TTLL11: variants seen among roughly 807,000 people sequenced by gnomAD.
The protein encoded by TTLL11 is tubulin tyrosine ligase like 11.
Under a neutral mutation model 51.7 loss-of-function variants are expected in TTLL11, and 42 were observed. The ratio of observed to expected loss-of-function variants is 0.81; its 90% CI spans 0.64 to 1.05. The LOEUF is 1.05. Ranked by LOEUF, TTLL11 falls within the 50% of genes least tolerant of loss-of-function variation. The probability of loss-of-function intolerance (pLI) is 0.00; values close to 1 mark genes in which losing one functional copy is unlikely to be tolerated. For missense variants in TTLL11, 799 were observed against 940.4 expected (o/e 0.85, Z 1.97); for synonymous variants, 381 against 383.5 (o/e 0.99, Z 0.08).
chr9:121,816,831 C>T lies in TTLL11; in HGVS notation c.*5756G>A, dbSNP rs28753968. ...AAGACGTGGCCTATTCTGCAGAGCT[C>T]CTTCATCTCCAGGAACAGAAAAAAA... is the stretch of plus-strand genomic sequence containing the variant. On this transcript the variant is annotated 3_prime_UTR_variant, in exon 9 of 9. Coordinates refer to ENST00000321582, the MANE Select transcript of TTLL11 (RefSeq NM_001139442.2). The T allele has an allele frequency of 3.3e-5, 5 of 152,146 alleles. No homozygotes were observed. Among genetic ancestry groups the T allele is most frequent in the African/African-American group, 1.2e-4 (5 of 41,418 alleles). The allele number at this position is 152,146 out of a possible 1,614,324, so 9.4% of individuals were successfully genotyped here.
intron 2 of TTLL11, among the ~76,000 whole-genome samples, chr9:122,033,938 C>T (rs1453888490): frequency 6.6e-6 from 1 of 152,158 alleles, no homozygotes; most frequent in Admixed American, 6.5e-5. Context: ...TTTTATTCTC[C>T]CTCGAAATTA....
intron 6 of TTLL11, among the ~76,000 whole-genome samples, chr9:121,920,402 A>C (rs894145973): frequency 1.3e-5 from 2 of 152,222 alleles, no homozygotes; most frequent in African/African-American, 4.8e-5. Context: ...CAATGGTATC[A>C]AGGAGCAAAG....
chr9:121,908,171 C>G (rs968964861), intron 6 of TTLL11, among the ~76,000 whole-genome samples: 2 of 152,170 alleles, frequency 1.3e-5, no homozygotes, highest in Non-Finnish European at 2.9e-5. Flanking sequence ...GAAGACTGAG[C>G]AAGAAGCATT....
intron 6 of TTLL11, among the ~76,000 whole-genome samples, chr9:121,879,542 G>C (rs1838696839): frequency 6.6e-6 from 1 of 152,248 alleles, no homozygotes; most frequent in Non-Finnish European, 1.5e-5. Flanking sequence ...CAATGACCAT[G>C]TGTCATTTTC....
At chr9:121,871,750 C>A (rs1300278581) in intron 6 of TTLL11, among the ~76,000 whole-genome samples, 1 of 152,232 alleles carries the variant, frequency 6.6e-6, no homozygotes, top group Non-Finnish European at 1.5e-5. Context: ...TTCCAATCAT[C>A]CCCCTGCCAG....
At chr9:122,001,946 A>C (rs375304025) in intron 3 of TTLL11, among the ~76,000 whole-genome samples, 1 of 152,208 alleles carries the variant, frequency 6.6e-6, no homozygotes, top group African/African-American at 2.4e-5. Flanking sequence ...TGATCACCCT[A>C]AAACTCCAGG....
chr9:121,871,332 A>G (rs1289492321), intron 6 of TTLL11, among the ~76,000 whole-genome samples: 1 of 152,206 alleles, frequency 6.6e-6, no homozygotes, highest in East Asian at 1.9e-4. Context: ...CTAGCAGCTA[A>G]TAACTCTTAA....
At chr9:121,975,840 T>C (rs1275394670) in intron 4 of TTLL11, among the ~76,000 whole-genome samples, 3 of 152,198 alleles carry the variant, frequency 2.0e-5, no homozygotes, top group Admixed American at 6.5e-5. Flanking sequence ...ACCCTCTTAG[T>C]TAAGAAGACA....
intron 1 of TTLL11, among the ~76,000 whole-genome samples, chr9:122,058,057 G>A (rs984060227): frequency 2.0e-5 from 3 of 152,222 alleles, no homozygotes; most frequent in African/African-American, 7.2e-5. Context: ...CAGAGCATGA[G>A]TTATTCTGCT....
At chr9:122,030,776 C>CAAAAAAAAAA (rs35456581) in intron 3 of TTLL11, among the ~76,000 whole-genome samples, 430 of 68,934 alleles carry the variant, frequency 6.2e-3, no homozygotes, top group Non-Finnish European at 7.9e-3. Context: ...ACAAAAAATA[C>CAAAAAAAAAA]AAAAAAAAAA....
intron 3 of TTLL11, among the ~76,000 whole-genome samples, chr9:122,029,660 A>G (rs917816264): frequency 1.3e-5 from 2 of 152,268 alleles, no homozygotes; most frequent in Non-Finnish European, 2.9e-5. Context: ...AAAGTTTAGA[A>G]AGTAAAAAGT....
intron 1 of TTLL11, among the ~76,000 whole-genome samples, chr9:122,062,669 A>G (rs1845467861): frequency 6.6e-6 from 1 of 150,444 alleles, no homozygotes; most frequent in Non-Finnish European, 1.5e-5. Flanking sequence ...GGGTTTCACC[A>G]TCTTGGCCAG....
Position 122,031,731 on chromosome 9 carries a change from C to A in TTLL11, c.685G>T (p.Val229Phe), listed in dbSNP as rs140758256. Residue 229 changes from valine to phenylalanine, a missense_variant, in exon 3 of 9, where the codon GTT (valine) becomes TTT (phenylalanine). Physicochemically the swap from Val to Phe is conservative, Grantham distance 50. Transcript: ENST00000321582. ...WILPDEFQLF[V>F]AQVQMVKDDD... is the part of the protein sequence containing the mutation. ...GACGGAGTGCCATCTACCTGAGCAA[C>A]AAAGAGCTGGAACTCGTCAGGCAGA... 2 of 1,612,572 alleles carry A rather than the reference C, an allele frequency of 1.2e-6. No individual in the cohort carries two copies. Among genetic ancestry groups the A allele is most frequent in the Non-Finnish European group, 1.7e-6 (2 of 1,179,958 alleles).
At chr9:122,028,154 G>T (rs10125932) in intron 3 of TTLL11, among the ~76,000 whole-genome samples, 6,643 of 152,114 alleles carry the variant, frequency 0.044, 173 homozygotes, top group African/African-American at 0.074. Flanking sequence ...CTAATAAGCC[G>T]AAAGAAGAGA....
chr9:121,889,904 G>A (rs1176573664), intron 6 of TTLL11, among the ~76,000 whole-genome samples: 2 of 151,804 alleles, frequency 1.3e-5, no homozygotes, highest in Non-Finnish European at 2.9e-5. Context: ...CATCTTGGGC[G>A]GGGCGGGGGG....
chr9:122,072,153 C>G (rs1418513320), intron 1 of TTLL11, among the ~76,000 whole-genome samples: 2 of 152,200 alleles, frequency 1.3e-5, no homozygotes, highest in Non-Finnish European at 2.9e-5. Context: ...GCAGAAGGAT[C>G]ACTTGAGCTC....
intron 3 of TTLL11, among the ~76,000 whole-genome samples, chr9:121,996,310 T>C (rs1843261384): frequency 6.6e-6 from 1 of 152,204 alleles, no homozygotes; most frequent in Admixed American, 6.5e-5. Flanking sequence ...CCATCATCTA[T>C]GGTCCCTTGG....
rs78452577 is a variant in TTLL11 at position 121,827,996 on chromosome 9, G to A, written c.1841-5117C>T. Among the ~76,000 whole-genome samples, 1,407 of 152,144 alleles carry A rather than the reference G, an allele frequency of 9.2e-3. 28 individuals are homozygous for A. The highest frequency in any genetic ancestry group is 0.032 in the African/African-American group (1,347 of 41,472). On this transcript the variant is annotated intron_variant, in intron 8 of 8. Coordinates refer to ENST00000321582, the MANE Select transcript of TTLL11 (RefSeq NM_001139442.2). ...TCTGCCAGGCAGAACTGGGGCTTTC[G>A]CCTTCCTTATTTTTTATTTATTATA...
At chr9:122,043,193 T>C (rs964105211) in intron 1 of TTLL11, among the ~76,000 whole-genome samples, 2 of 151,950 alleles carry the variant, frequency 1.3e-5, no homozygotes, top group Non-Finnish European at 2.9e-5. Flanking sequence ...TGGGGGAAAA[T>C]CTCTGCACCA....
Sources: allele counts gnomAD v4.1 joint callset (sites outside exome capture counted in the v4.1 genomes callset), GRCh38; gene constraint gnomAD v4.1.1; transcripts MANE v1.5; gene names NCBI Gene and HGNC (gene_info 2026-07-23, HGNC 2026-07-21).